Variants in SORCS3 observed in about 807,000 individuals in gnomAD.
SORCS3 encodes VPS10 domain-containing receptor SorCS3.
SORCS3 carries 57 observed loss-of-function variants against 146.3 expected under a neutral mutation model. That is an observed-to-expected ratio of 0.39 (90% CI 0.31 to 0.49). The LOEUF (loss-of-function observed/expected upper bound fraction) is 0.49. SORCS3 is among the 20% of genes least tolerant of loss of function. SORCS3 has a pLI of 0.92. For synonymous variants in SORCS3, 653 were observed against 618.5 expected (o/e 1.06, Z -0.83); for missense variants, 1,341 against 1,575.5 (o/e 0.85, Z 2.52).
intron 1 of SORCS3, among the ~76,000 whole-genome samples, chr10:104,651,944 T>TA (rs1589447233): frequency 6.6e-6 from 1 of 152,274 alleles, no homozygotes; most frequent in East Asian, 1.9e-4. Context: ...TAGGAGTTGA[T>TA]GGATAAATAT....
chr10:105,009,527 C>CAAA (rs35368294), intron 4 of SORCS3, among the ~76,000 whole-genome samples: 391 of 104,712 alleles, frequency 3.7e-3, no homozygotes, highest in East Asian at 0.01. Context: ...AACAAACAAA[C>CAAA]AAAAAAAAAA....
chr10:105,064,492 C>T (rs1332239362), intron 5 of SORCS3, among the ~76,000 whole-genome samples: 1 of 152,066 alleles, frequency 6.6e-6, no homozygotes, highest in Non-Finnish European at 1.5e-5. Flanking sequence ...AGCTGGAGAC[C>T]CAGGGAAGCT....
chr10:104,724,773 A>G (rs1235577791), intron 1 of SORCS3, among the ~76,000 whole-genome samples: 1 of 152,148 alleles, frequency 6.6e-6, no homozygotes, highest in Non-Finnish European at 1.5e-5. Flanking sequence ...TGAATTGGCT[A>G]CTGAGGCTTG....
chr10:105,079,534 T>C (rs910656360), intron 5 of SORCS3, among the ~76,000 whole-genome samples: 1 of 152,186 alleles, frequency 6.6e-6, no homozygotes, highest in African/African-American at 2.4e-5. Flanking sequence ...ACATATTGTA[T>C]ATTTCTTTTT....
chr10:105,163,967 C>T (rs2056290304), intron 11 of SORCS3, among the ~76,000 whole-genome samples: 1 of 151,938 alleles, frequency 6.6e-6, no homozygotes, highest in South Asian at 2.1e-4. Context: ...TATGTGTCTA[C>T]TCTTCCACTC....
chr10:104,643,956 A>G (rs1478474348), intron 1 of SORCS3, among the ~76,000 whole-genome samples: 1 of 152,168 alleles, frequency 6.6e-6, no homozygotes, highest in Non-Finnish European at 1.5e-5. Flanking sequence ...GCCTCTGAAG[A>G]TGGGACTTTA....
intron 7 of SORCS3, among the ~76,000 whole-genome samples, chr10:105,115,407 C>T (rs2133760753): frequency 6.6e-6 from 1 of 152,240 alleles, no homozygotes; most frequent in East Asian, 1.9e-4. Context: ...GTATGCACAT[C>T]CTCTTTTAAG....
chr10:104,833,483 A>G (rs2018024604), intron 1 of SORCS3, among the ~76,000 whole-genome samples: 1 of 152,154 alleles, frequency 6.6e-6, no homozygotes, highest in Non-Finnish European at 1.5e-5. Flanking sequence ...CACAGGGGTA[A>G]CTGGGGAAGA....
At chr10:105,148,879 T>C (rs139692580) in intron 9 of SORCS3, among the ~76,000 whole-genome samples, 2 of 152,206 alleles carry the variant, frequency 1.3e-5, no homozygotes, top group East Asian at 3.9e-4. Context: ...CCAAATCCCA[T>C]CTGGAATTGT....
At chr10:105,126,037 A>G (rs2055971408) in intron 7 of SORCS3, among the ~76,000 whole-genome samples, 1 of 152,132 alleles carries the variant, frequency 6.6e-6, no homozygotes, top group Non-Finnish European at 1.5e-5. Context: ...TAAAAATAAA[A>G]TTTCTGGTAG....
chr10:104,713,373 C>T (rs902686021), intron 1 of SORCS3, among the ~76,000 whole-genome samples: 2 of 152,110 alleles, frequency 1.3e-5, no homozygotes, highest in Non-Finnish European at 2.9e-5. Context: ...ACCTTTTGTC[C>T]TTTTCTGTGG....
chr10:105,103,546 A>G (rs543229598), intron 6 of SORCS3, among the ~76,000 whole-genome samples: 1 of 152,308 alleles, frequency 6.6e-6, no homozygotes, highest in South Asian at 2.1e-4. Flanking sequence ...GATGACAAGA[A>G]AGTGTCCCAG....
At chr10:104,936,651 A>G (rs1247976517) in intron 3 of SORCS3, among the ~76,000 whole-genome samples, 1 of 152,234 alleles carries the variant, frequency 6.6e-6, no homozygotes, top group African/African-American at 2.4e-5. Flanking sequence ...AACAGTCTTG[A>G]GCTTAAGAGC....
intron 1 of SORCS3, among the ~76,000 whole-genome samples, chr10:104,642,184 G>A (rs1251367388): frequency 1.3e-5 from 2 of 152,188 alleles, no homozygotes; most frequent in Non-Finnish European, 2.9e-5. Flanking sequence ...TTCGGCCGCC[G>A]GGAGGGGAGT....
chr10:104,998,971 A>G (rs1276489973), intron 4 of SORCS3, among the ~76,000 whole-genome samples: 2 of 152,156 alleles, frequency 1.3e-5, no homozygotes, highest in East Asian at 3.9e-4. Flanking sequence ...AGTATACACA[A>G]AGGGGGAAGT....
At chr10:104,984,619 G>C (rs2054951405) in intron 4 of SORCS3, among the ~76,000 whole-genome samples, 1 of 152,038 alleles carries the variant, frequency 6.6e-6, no homozygotes, top group South Asian at 2.1e-4. Flanking sequence ...ACATTTACTG[G>C]GGTATTATGC....
chr10:104,700,602 A>C (rs1222336087), intron 1 of SORCS3, among the ~76,000 whole-genome samples: 1 of 152,144 alleles, frequency 6.6e-6, no homozygotes, highest in Non-Finnish European at 1.5e-5. Flanking sequence ...GCCTCATCAG[A>C]ATAAAATGGA....
At chr10:104,844,668 G>A (rs2018183905) in intron 2 of SORCS3, among the ~76,000 whole-genome samples, 3 of 152,152 alleles carry the variant, frequency 2.0e-5, no homozygotes, top group Non-Finnish European at 4.4e-5. Context: ...CTGTCTATTA[G>A]TTCCCCAGGG....
intron 6 of SORCS3, among the ~76,000 whole-genome samples, chr10:105,102,850 C>T (rs567151185): frequency 3.1e-5 from 4 of 129,058 alleles, no homozygotes; most frequent in South Asian, 2.6e-4. Flanking sequence ...AGTACCGTGG[C>T]GCGATCTCGG....
Sources: gnomAD v4.1 joint callset for allele counts (sites outside exome capture counted in the v4.1 genomes callset) on GRCh38, gnomAD v4.1.1 for gene constraint, MANE v1.5 for transcripts, NCBI Gene and HGNC (gene_info 2026-07-23, HGNC 2026-07-21) for gene names.